PTPRD: variants seen among roughly 807,000 people sequenced by gnomAD.
PTPRD encodes protein tyrosine phosphatase receptor type D.
Under a neutral mutation model 214.5 loss-of-function variants are expected in PTPRD, and 34 were observed. That is an observed-to-expected ratio of 0.16 (90% CI 0.12 to 0.21). The LOEUF is 0.21. Among genes scored for constraint, PTPRD ranks in the 10% least tolerant of loss-of-function variants. PTPRD has a pLI of 1.00. For synonymous variants in PTPRD, 1,128 were observed against 845.7 expected, an observed-to-expected ratio of 1.33 and a Z score of -5.79; for missense variants, 2,545 against 2,398.7, an observed-to-expected ratio of 1.06 and a Z score of -1.27.
At chr9:9,788,551 CAA>C (rs371559861) in intron 5 of PTPRD, among the ~76,000 whole-genome samples, 3 of 117,460 alleles carry the variant, frequency 2.6e-5, no homozygotes, top group Non-Finnish European at 1.7e-5. Context: ...AGCTCCGTCT[CAA>C]AAAAAAAAAA....
At chr9:9,320,583 T>C (rs1182916339) in intron 9 of PTPRD, among the ~76,000 whole-genome samples, 1 of 152,168 alleles carries the variant, frequency 6.6e-6, no homozygotes, top group African/African-American at 2.4e-5. Context: ...TGAGGAAAAC[T>C]ACCCTTCCCA....
At chr9:9,810,808 T>A (rs1366443502) in intron 5 of PTPRD, among the ~76,000 whole-genome samples, 1 of 151,882 alleles carries the variant, frequency 6.6e-6, no homozygotes, top group East Asian at 1.9e-4. Context: ...CTTTTAAAGC[T>A]GTAGCTGCCA....
intron 2 of PTPRD, among the ~76,000 whole-genome samples, chr9:10,491,175 G>C (rs1361862068): frequency 6.6e-6 from 1 of 152,104 alleles, no homozygotes; most frequent in East Asian, 1.9e-4. Context: ...ATGAATATGA[G>C]TAATCACAAA....
chr9:8,828,972 T>C (rs969001127), intron 11 of PTPRD, among the ~76,000 whole-genome samples: 12 of 152,206 alleles, frequency 7.9e-5, no homozygotes, highest in African/African-American at 2.4e-4. Flanking sequence ...ACACATATTC[T>C]TGGAAATACT....
intron 9 of PTPRD, among the ~76,000 whole-genome samples, chr9:9,381,386 G>T (rs1176242538): frequency 6.9e-6 from 1 of 144,938 alleles, no homozygotes; most frequent in African/African-American, 2.6e-5. Context: ...TTTTTTGACA[G>T]GGTCTTACTT....
intron 14 of PTPRD, among the ~76,000 whole-genome samples, chr9:8,620,158 C>G (rs1350289111): frequency 6.6e-6 from 1 of 152,004 alleles, no homozygotes; most frequent in African/African-American, 2.4e-5. Flanking sequence ...TACTAATTCT[C>G]TAGGATTTTT....
chr9:10,521,523 A>G (rs1473302952), intron 2 of PTPRD, among the ~76,000 whole-genome samples: 2 of 152,218 alleles, frequency 1.3e-5, no homozygotes, highest in Non-Finnish European at 2.9e-5. Flanking sequence ...GATTGTCTCC[A>G]ATTTTGAAAG....
At chr9:8,638,427 T>C (rs1012800823) in intron 12 of PTPRD, among the ~76,000 whole-genome samples, 1 of 152,160 alleles carries the variant, frequency 6.6e-6, no homozygotes, top group Admixed American at 6.5e-5. Flanking sequence ...CATATATGGA[T>C]AATCTTGGAG....
intron 8 of PTPRD, among the ~76,000 whole-genome samples, chr9:9,573,769 C>A (rs2087392219): frequency 2.0e-5 from 3 of 151,784 alleles, no homozygotes; most frequent in Non-Finnish European, 4.4e-5. Flanking sequence ...TCCTATATGA[C>A]ACTTGTTTTA....
rs775892678 is a variant in PTPRD, at chr9:10,449,309, G to A, written c.-599-108292C>T. Among the ~76,000 whole-genome samples the A allele has an allele frequency of 3.8e-4, 58 of 152,058 alleles. 3 individuals are homozygous for A. The highest frequency in any genetic ancestry group is 6.8e-3 in the Middle Eastern group (2 of 294). On this transcript the variant is annotated intron_variant, in intron 2 of 45. Transcript: ENST00000381196. ...GCCCACCTGGGCCTCCCGAGGCGCC[G>A]GGATTGCAGACGGAGTCTCGCTCAC...
intron 4 of PTPRD, among the ~76,000 whole-genome samples, chr9:9,995,532 C>T (rs1453583347): frequency 6.6e-6 from 1 of 152,158 alleles, no homozygotes; most frequent in South Asian, 2.1e-4. Context: ...TTCTCCACCC[C>T]ACTCTGTATC....
chr9:8,785,976 A>C (rs1418407394), intron 11 of PTPRD, among the ~76,000 whole-genome samples: 1 of 152,024 alleles, frequency 6.6e-6, no homozygotes, highest in Non-Finnish European at 1.5e-5. Context: ...ATCACTTCCA[A>C]TTGCTACAGA....
chr9:9,208,109 T>G (rs759992879), intron 9 of PTPRD, among the ~76,000 whole-genome samples: 28 of 143,534 alleles, frequency 2.0e-4, no homozygotes, highest in East Asian at 1.4e-3. Flanking sequence ...CCGCCTCCCG[T>G]GTTCATGCCA....
chr9:8,694,216 T>C (rs1295249379), intron 12 of PTPRD, among the ~76,000 whole-genome samples: 1 of 152,194 alleles, frequency 6.6e-6, no homozygotes, highest in Admixed American at 6.5e-5. Flanking sequence ...CTGGGAATTA[T>C]ATAAATTACT....
At chr9:8,527,249 G>A in intron 16 of PTPRD, 96 bp downstream of exon 16, 1 of 1,314,986 alleles carries the variant, frequency 7.6e-7, no homozygotes, top group Non-Finnish European at 1.1e-6. Context: ...CTGACAGTTA[G>A]TAAAATGCAT....
intron 3 of PTPRD, among the ~76,000 whole-genome samples, chr9:10,177,258 G>A (rs188830377): frequency 6.6e-6 from 1 of 151,932 alleles, no homozygotes; most frequent in Admixed American, 6.6e-5. Flanking sequence ...TGTTGAAAGA[G>A]AAGAATATAA....
In PTPRD at chr9:9,934,441, C is replaced by T. The variant is rs867403585; in HGVS notation, c.-368+4066G>A. Among the ~76,000 whole-genome samples the T allele has an allele frequency of 4.0e-3, 546 of 135,086 alleles. 8 individuals are homozygous for T. Among genetic ancestry groups the T allele is most frequent in the African/African-American group, 0.014 (498 of 36,044 alleles). 88.6% of individuals were successfully genotyped at this position (135,086 alleles called of 152,430 possible). A position where few individuals can be genotyped will look rare whatever the true frequency, so the allele number is the denominator to read the frequency against. On this transcript the variant is annotated intron_variant, in intron 5 of 45. Coordinates refer to ENST00000381196, the MANE Select transcript of PTPRD (RefSeq NM_002839.4). ...GACAAACTACCATCAGAGAATACTA[C>T]AAACGCCTCTATGCAAATAAACTAG... is the stretch of plus-strand genomic sequence containing the variant.
intron 11 of PTPRD, among the ~76,000 whole-genome samples, chr9:8,917,336 C>T (rs1409977334): frequency 6.6e-6 from 1 of 151,192 alleles, no homozygotes; most frequent in African/African-American, 2.4e-5. Flanking sequence ...CAGCGTTTCA[C>T]CATTTTGGCC....
At chr9:9,131,283 T>A (rs1036351696) in intron 10 of PTPRD, among the ~76,000 whole-genome samples, 2 of 152,204 alleles carry the variant, frequency 1.3e-5, no homozygotes, top group African/African-American at 4.8e-5. Flanking sequence ...TGAAAACTTT[T>A]AGTATTTGTG....
Sources: gnomAD v4.1 joint callset for allele counts (sites outside exome capture counted in the v4.1 genomes callset) on GRCh38, gnomAD v4.1.1 for gene constraint, MANE v1.5 for transcripts, NCBI Gene and HGNC (gene_info 2026-07-23, HGNC 2026-07-21) for gene names.